Variants in ZFAND6 observed in about 807,000 individuals in gnomAD.
ZFAND6 encodes zinc finger AN1-type containing 6.
In ZFAND6, 12 loss-of-function variants were observed where a neutral mutation model predicts 24.5. That is an observed-to-expected ratio of 0.49 (90% CI 0.31 to 0.79). The LOEUF is 0.79. ZFAND6 is among the 30% of genes least tolerant of loss of function. ZFAND6 has a pLI of 0.04. For missense variants in ZFAND6, 207 were observed against 245.9 expected (o/e 0.84, Z 1.06); for synonymous variants, 92 against 81.5 (o/e 1.13, Z -0.69).
intron 1 of ZFAND6, among the ~76,000 whole-genome samples, chr15:80,072,096 G>GA (rs1469134487): frequency 6.6e-6 from 1 of 151,978 alleles, no homozygotes; most frequent in African/African-American, 2.4e-5. Flanking sequence ...TTAAGTCTTA[G>GA]AAAAAAACAT....
intron 1 of ZFAND6, among the ~76,000 whole-genome samples, chr15:80,071,688 A>T (rs565414031): frequency 6.6e-6 from 1 of 151,782 alleles, no homozygotes; most frequent in Admixed American, 6.6e-5. Flanking sequence ...TATACCTTTT[A>T]CTTTAGGGTG....
At chr15:80,128,186 T>C (rs758108328) in intron 5 of ZFAND6, among the ~76,000 whole-genome samples, 4 of 152,216 alleles carry the variant, frequency 2.6e-5, no homozygotes, top group Non-Finnish European at 5.9e-5. Context: ...TGGGGAGTAA[T>C]TGCTAATGAG....
rs201603848 is a variant in ZFAND6, at chr15:80,114,496, TAGG to T, written c.-17-5825_-17-5823del. ...TTTAGGAGAATTTCAATAAATGTAT[TAGG>T]AGGAGGGGCAGTAAACTGTTAAAAA... is the stretch of plus-strand genomic sequence containing the variant. On this transcript the variant is annotated intron_variant, in intron 2 of 6. Transcript: ENST00000261749. Among the ~76,000 whole-genome samples the T allele has an allele frequency of 3.7e-3, 566 of 152,250 alleles. 6 individuals carry two copies. Among genetic ancestry groups the T allele is most frequent in the African/African-American group, 0.013 (527 of 41,546 alleles).
chr15:80,071,912 G>A (rs958062521), intron 1 of ZFAND6, among the ~76,000 whole-genome samples: 7 of 151,904 alleles, frequency 4.6e-5, no homozygotes, highest in South Asian at 2.1e-4. Flanking sequence ...TAGTATTTCT[G>A]CCCAGTATTT....
At chr15:80,101,211 C>T (rs934689980) in intron 2 of ZFAND6, among the ~76,000 whole-genome samples, 11 of 152,190 alleles carry the variant, frequency 7.2e-5, no homozygotes, top group South Asian at 2.1e-4. Flanking sequence ...GCCTGTAATC[C>T]CAGCACTTTG....
intron 1 of ZFAND6, chr15:80,072,469 G>T (rs1188303489): frequency 1.3e-5 from 2 of 151,946 alleles, no homozygotes; most frequent in African/African-American, 4.8e-5. Flanking sequence ...TTAAAATAAT[G>T]GATATTAGCC....
intron 1 of ZFAND6, among the ~76,000 whole-genome samples, chr15:80,082,504 G>A (rs1444029769): frequency 1.3e-5 from 2 of 152,278 alleles, no homozygotes; most frequent in East Asian, 3.9e-4. Context: ...GAGAGGGAAG[G>A]TTTACTTAGG....
intron 6 of ZFAND6, among the ~76,000 whole-genome samples, chr15:80,133,193 T>G (rs537494583): frequency 2.2e-5 from 2 of 92,360 alleles, no homozygotes; most frequent in South Asian, 7.0e-4. Flanking sequence ...TGTTTGTTTG[T>G]TTTTTGTTTT....
intron 6 of ZFAND6, among the ~76,000 whole-genome samples, chr15:80,136,744 G>T (rs1406589210): frequency 6.6e-6 from 1 of 152,156 alleles, no homozygotes; most frequent in Non-Finnish European, 1.5e-5. Context: ...GGGGGAGCAG[G>T]ACCAGTTTTA....
intron 1 of ZFAND6, among the ~76,000 whole-genome samples, chr15:80,078,288 A>G (rs2037413149): frequency 6.6e-6 from 1 of 152,106 alleles, no homozygotes; most frequent in Non-Finnish European, 1.5e-5. Flanking sequence ...CTTAGTTCCC[A>G]TTTATAAGTG....
chr15:80,063,574 T>C (rs1000968895), intron 1 of ZFAND6, among the ~76,000 whole-genome samples: 1 of 151,670 alleles, frequency 6.6e-6, no homozygotes, highest in African/African-American at 2.4e-5. Context: ...TTTTTTTTTT[T>C]TGAGACGGAA....
intron 2 of ZFAND6, among the ~76,000 whole-genome samples, chr15:80,101,060 C>G (rs535413430): frequency 6.6e-6 from 1 of 152,130 alleles, no homozygotes; most frequent in Non-Finnish European, 1.5e-5. Flanking sequence ...ATTATAAATG[C>G]TCAAAATAAT....
At chr15:80,064,765 T>G (rs1032209810) in intron 1 of ZFAND6, among the ~76,000 whole-genome samples, 11 of 152,192 alleles carry the variant, frequency 7.2e-5, no homozygotes, top group Non-Finnish European at 1.5e-4. Flanking sequence ...CTCAGCCTCC[T>G]GTGTAACTGG....
At chr15:80,064,047 A>G (rs111453539) in intron 1 of ZFAND6, among the ~76,000 whole-genome samples, 6,834 of 152,330 alleles carry the variant, frequency 0.045, 346 homozygotes, top group Admixed American at 0.17. Context: ...ACCCACATGG[A>G]CAGTTCCATC....
chr15:80,135,714 T>C (rs2040831068), intron 6 of ZFAND6, among the ~76,000 whole-genome samples: 1 of 150,862 alleles, frequency 6.6e-6, no homozygotes, highest in African/African-American at 2.4e-5. Flanking sequence ...GTGGGAGGAT[T>C]GCTTCAGGCC....
At chr15:80,079,608 G>C (rs1455799528) in intron 1 of ZFAND6, among the ~76,000 whole-genome samples, 3 of 149,498 alleles carry the variant, frequency 2.0e-5, no homozygotes, top group Non-Finnish European at 4.4e-5. Flanking sequence ...TGTTATAATA[G>C]ATTTATGTGA....
At chr15:80,067,158 T>G (rs1042640433) in intron 1 of ZFAND6, among the ~76,000 whole-genome samples, 1 of 152,192 alleles carries the variant, frequency 6.6e-6, no homozygotes, top group Non-Finnish European at 1.5e-5. Flanking sequence ...GGGACAAGCT[T>G]TGTTTCAGGA....
chr15:80,103,576 TAATC>T (rs1336496153), intron 2 of ZFAND6, among the ~76,000 whole-genome samples: 2 of 152,242 alleles, frequency 1.3e-5, no homozygotes, highest in Non-Finnish European at 1.5e-5. Context: ...AGTTTGCTCT[TAATC>T]AAGAACTTAA....
chr15:80,113,738 AAAGAGGGTTTG>A (rs1392714528), intron 2 of ZFAND6, among the ~76,000 whole-genome samples: 2 of 152,054 alleles, frequency 1.3e-5, no homozygotes, highest in African/African-American at 4.8e-5. Context: ...TGTTAGGCAT[AAAGAGGGTTTG>A]AAGAAGAAAC....
Sources: allele counts gnomAD v4.1 joint callset (sites outside exome capture counted in the v4.1 genomes callset), GRCh38; gene constraint gnomAD v4.1.1; transcripts MANE v1.5; gene names NCBI Gene and HGNC (gene_info 2026-07-23, HGNC 2026-07-21).